The following RUBCN variants were observed in gnomAD, a reference collection of about 807,000 sequenced individuals.
RUBCN encodes run domain Beclin-1-interacting and cysteine-rich domain-containing protein.
Under a neutral mutation model 113.2 loss-of-function variants are expected in RUBCN, and 74 were observed. That is an observed-to-expected ratio of 0.65 (90% confidence interval 0.54 to 0.79). The LOEUF (loss-of-function observed/expected upper bound fraction) is 0.79. Ranked by LOEUF, RUBCN falls within the 30% of genes least tolerant of loss-of-function variation. The probability of loss-of-function intolerance (pLI) is 0.00; values close to 1 mark genes in which losing one functional copy is unlikely to be tolerated. For missense variants in RUBCN, 1,109 were observed against 1,251.7 expected, an observed-to-expected ratio of 0.89 and a Z score of 1.72; for synonymous variants, 480 against 490.0, an observed-to-expected ratio of 0.98 and a Z score of 0.27.
chr3:197,677,912 ACT>A (rs968263920), intron 16 of RUBCN, among the ~76,000 whole-genome samples: 1 of 141,624 alleles, frequency 7.1e-6, no homozygotes, highest in Non-Finnish European at 1.5e-5. Flanking sequence ...ACTGTCCCAC[ACT>A]CTGACTGACA....
rs112059126 is a variant in RUBCN at position 197,673,630 on chromosome 3, C to G, written c.*1388G>C. On this transcript the variant is annotated 3_prime_UTR_variant, in exon 20 of 20. Transcript: ENST00000296343. ...ATCACAAACACACACATGGCCCCAC[C>G]CAAGGACTTCACTGTCAACACACAC... 0.016 allele frequency: 2,512 copies of G among 152,532 alleles called. 47 individuals carry two copies. Among genetic ancestry groups the G allele is most frequent in the African/African-American group, 0.045 (1,876 of 41,394 alleles). The allele number at this position is 152,532 out of a possible 1,614,324, so 9.4% of individuals were successfully genotyped here. A position where few individuals can be genotyped will look rare whatever the true frequency, so the allele number is the denominator to read the frequency against.
intron 7 of RUBCN, 160 bp downstream of exon 7, chr3:197,700,453 C>A: frequency 1.5e-6 from 1 of 658,304 alleles, no homozygotes; most frequent in Non-Finnish European, 2.6e-6. Flanking sequence ...GATTTTGAGT[C>A]TCAGTATTTC....
At chr3:197,745,244 C>T (rs1728688984) in intron 1 of RUBCN, among the ~76,000 whole-genome samples, 1 of 144,104 alleles carries the variant, frequency 6.9e-6, no homozygotes, top group African/African-American at 2.6e-5. Flanking sequence ...GAGATCACGC[C>T]ATTGCACTCC....
chr3:197,713,918 C>CA (rs972560079), intron 2 of RUBCN, among the ~76,000 whole-genome samples: 24 of 150,682 alleles, frequency 1.6e-4, no homozygotes, highest in Admixed American at 4.0e-4. Flanking sequence ...ACTAAAAATA[C>CA]AAAAAAAAAT....
rs1390265821 is a variant in RUBCN at position 197,669,132 on chromosome 3, A to G, written c.*5886T>C. On this transcript the variant is annotated 3_prime_UTR_variant, in exon 20 of 20. Transcript: ENST00000296343. Reference sequence around the variant, plus strand: ...CAAAGATAGTACAAATTCGTCACATAGCCCTCACCCGATTTCAGCTCTCCC... The same window carrying G: ...CAAAGATAGTACAAATTCGTCACATGGCCCTCACCCGATTTCAGCTCTCCC... 1.3e-5 allele frequency among the ~76,000 whole-genome samples: 2 copies of G among 152,256 alleles called. No homozygotes were observed. Among genetic ancestry groups the G allele is most frequent in the Non-Finnish European group, 2.9e-5 (2 of 68,040 alleles).
intron 11 of RUBCN, among the ~76,000 whole-genome samples, chr3:197,684,728 G>GTA (rs1360757236): frequency 6.7e-6 from 1 of 149,638 alleles, no homozygotes; most frequent in Non-Finnish European, 1.5e-5. Context: ...ATATGTGTGT[G>GTA]TATATATATA....
At chr3:197,703,474 T>TTGC in intron 5 of RUBCN, 74 bp downstream of exon 5, 1 of 861,440 alleles carries the variant, frequency 1.2e-6, no homozygotes, top group Non-Finnish European at 1.9e-6. Context: ...GTGAAAAAGT[T>TTGC]TGCTGTAGAG....
chr3:197,718,591 C>G (rs2108960922), intron 1 of RUBCN, among the ~76,000 whole-genome samples: 1 of 152,058 alleles, frequency 6.6e-6, no homozygotes, highest in South Asian at 2.1e-4. Flanking sequence ...CTGGGAACTA[C>G]AGATGTGCAC....
intron 1 of RUBCN, 107 bp downstream of exon 1, chr3:197,736,548 A>T: frequency 9.2e-7 from 1 of 1,082,218 alleles, no homozygotes; most frequent in Non-Finnish European, 1.3e-6. Context: ...CGTCGTCCTC[A>T]AGACTCGTCG....
intron 1 of RUBCN, among the ~76,000 whole-genome samples, chr3:197,731,527 G>A (rs1293426173): frequency 6.6e-6 from 1 of 152,250 alleles, no homozygotes; most frequent in African/African-American, 2.4e-5. Flanking sequence ...CCCAGACGGG[G>A]TGGTGGCTGG....
At chr3:197,700,211 C>A (rs77711566) in intron 7 of RUBCN, among the ~76,000 whole-genome samples, 4,881 of 152,320 alleles carry the variant, frequency 0.032, 119 homozygotes, top group Non-Finnish European at 0.047. Context: ...CTCTCTGCCT[C>A]TCTCACATTG....
At chr3:197,687,177 C>A (rs1184314549) in intron 11 of RUBCN, among the ~76,000 whole-genome samples, 1 of 152,202 alleles carries the variant, frequency 6.6e-6, no homozygotes, top group Non-Finnish European at 1.5e-5. Flanking sequence ...CCCAACGTAT[C>A]TGGGAATCCA....
At chr3:197,702,534 G>A (rs920840675) in intron 5 of RUBCN, among the ~76,000 whole-genome samples, 27 of 152,040 alleles carry the variant, frequency 1.8e-4, no homozygotes, top group African/African-American at 5.3e-4. Context: ...GTGGTGGCGT[G>A]CACCTGTAAT....
At chr3:197,696,459 A>G (rs1053284829) in intron 8 of RUBCN, among the ~76,000 whole-genome samples, 1 of 152,304 alleles carries the variant, frequency 6.6e-6, no homozygotes. Context: ...ACGGTAGAAT[A>G]AACAGAGAGA....
intron 2 of RUBCN, 33 bp from the exon 3 acceptor site, chr3:197,705,208 C>T (rs1580276156): frequency 1.2e-5 from 19 of 1,584,162 alleles, no homozygotes; most frequent in South Asian, 4.4e-5. Flanking sequence ...GAGCAAATCA[C>T]GACCATTCTG....
exon 1 of RUBCN, chr3:197,749,581 G>A (rs1304552153): frequency 2.3e-6 from 3 of 1,278,158 alleles, no homozygotes; most frequent in Admixed American, 4.6e-5. Flanking sequence ...GAAGTATAGG[G>A]GACCTGTCTG....
chr3:197,729,408 A>G (rs1404749784), intron 1 of RUBCN, among the ~76,000 whole-genome samples: 4 of 151,510 alleles, frequency 2.6e-5, no homozygotes, highest in Admixed American at 6.6e-5. Flanking sequence ...GCCCGCCACC[A>G]CGCCCGGCTA....
chr3:197,693,887 T>C (rs534714308), intron 10 of RUBCN, 71 bp from the exon 11 acceptor site: 1 of 1,013,878 alleles, frequency 9.9e-7, no homozygotes, highest in East Asian at 2.4e-5. Context: ...AGTGTCACAA[T>C]ATAAGGGATC....
Position 197,730,885 on chromosome 3 carries a change from C to CTTTTTTTTTT in RUBCN, c.65+5760_65+5769dup, listed in dbSNP as rs71166707. 1.1e-3 allele frequency among the ~76,000 whole-genome samples: 55 copies of CTTTTTTTTTT among 50,000 alleles called. 1 individual carries two copies. The highest frequency in any genetic ancestry group is 1.3e-3 in the East Asian group (2 of 1,520). 32.8% of individuals were successfully genotyped at this position (50,000 alleles called of 152,430 possible). A position where few individuals can be genotyped will look rare whatever the true frequency, so the allele number is the denominator to read the frequency against. On this transcript the variant is annotated intron_variant, in intron 1 of 19. Transcript: ENST00000296343. The stretch of plus-strand genomic sequence containing the variant: ...TTTTTTTTTCATATTTTAAAAGCAT[C>CTTTTTTTTTT]TTTTTTTTTTTTTTTTTTTTTTTTT...
Sources: allele counts gnomAD v4.1 joint callset (sites outside exome capture counted in the v4.1 genomes callset), GRCh38; gene constraint gnomAD v4.1.1; transcripts MANE v1.5; gene names NCBI Gene and HGNC (gene_info 2026-07-23, HGNC 2026-07-21).